Variants in ABCC4 observed in about 807,000 individuals in gnomAD.
The protein encoded by ABCC4 is ATP-binding cassette sub-family C member 4.
ABCC4 carries 102 observed loss-of-function variants against 168.5 expected under a neutral mutation model. The ratio of observed to expected loss-of-function variants is 0.61; its 90% confidence interval spans 0.52 to 0.71. ABCC4 has a LOEUF of 0.71. Ranked by LOEUF, ABCC4 falls within the 30% of genes least tolerant of loss-of-function variation. The pLI is 0.00. For missense variants in ABCC4, 1,402 were observed against 1,605.8 expected (o/e 0.87, Z 2.17); for synonymous variants, 617 against 590.7 (o/e 1.04, Z -0.65).
chr13:95,186,819 G>A lies in ABCC4; in HGVS notation c.1427C>T (p.Ala476Val), dbSNP rs1169391624. The stretch of plus-strand genomic sequence containing the variant: ...CACCCAGGGCTGCTGAGACACATAG[G>A]CAATTCTTCCATGCACGCTGACCAG... Reference protein sequence around the residue: ...HGLVSVHGRIAYVSQQPWVFS... With the variant: ...HGLVSVHGRIVYVSQQPWVFS... The change falls in exon 11 of 31, where the codon GCC becomes GTC. Residue 476 changes from alanine to valine, a missense_variant. Coordinates refer to ENST00000645237, the MANE Select transcript of ABCC4 (RefSeq NM_005845.5). The A allele has an allele frequency of 6.2e-7, 1 of 1,614,040 alleles. No homozygotes were observed. The highest frequency in any genetic ancestry group is 1.7e-5 in the Admixed American group (1 of 60,000).
At chr13:95,074,186 A>G (rs2033820375) in intron 23 of ABCC4, 28 bp downstream of exon 23, 7 of 1,514,596 alleles carry the variant, frequency 4.6e-6, no homozygotes, top group Non-Finnish European at 6.4e-6. Flanking sequence ...TAATCATACC[A>G]TACATAGTTA....
At chr13:95,064,762 G>C (rs1002912487) in intron 25 of ABCC4, among the ~76,000 whole-genome samples, 18 of 152,012 alleles carry the variant, frequency 1.2e-4, no homozygotes, top group African/African-American at 4.3e-4. Flanking sequence ...TCCAAACTCA[G>C]GTGAGGATAT....
chr13:95,178,684 A>C (rs1003547136), intron 11 of ABCC4, among the ~76,000 whole-genome samples: 3 of 152,228 alleles, frequency 2.0e-5, no homozygotes, highest in Admixed American at 2.0e-4. Context: ...ATATGGATGC[A>C]CACGGAACTG....
rs376152745 is a variant in ABCC4 at position 95,188,324 on chromosome 13, T to C, written c.1353+129A>G. 4.8e-4 allele frequency: 386 copies of C among 810,350 alleles called. 1 individual carries two copies. Among genetic ancestry groups the C allele is most frequent in the Middle Eastern group, 6.9e-4 (3 of 4,354 alleles). 50.2% of individuals were successfully genotyped at this position (810,350 alleles called of 1,614,324 possible). The stretch of plus-strand genomic sequence containing the variant: ...CCCTTCTTGCAAAACGAATGTTCCA[T>C]GCACTGAGAAATGCCGTGCCAAGTG... On this transcript the variant is annotated intron_variant, in intron 10 of 30. Transcript: ENST00000645237.
chr13:95,073,390 T>C, intron 23 of ABCC4, 86 bp from the exon 24 acceptor site: 1 of 873,708 alleles, frequency 1.1e-6, no homozygotes, highest in South Asian at 1.9e-5. Flanking sequence ...GAGGAACCCT[T>C]CATAATGTTG....
At chr13:95,096,713 A>C (rs549256272) in intron 20 of ABCC4, among the ~76,000 whole-genome samples, 1 of 152,276 alleles carries the variant, frequency 6.6e-6, no homozygotes, top group South Asian at 2.1e-4. Context: ...CTATCTGTTG[A>C]AAAGATCATT....
intron 28 of ABCC4, 47 bp downstream of exon 28, chr13:95,044,219 C>A: frequency 6.7e-7 from 1 of 1,499,266 alleles, no homozygotes; most frequent in Admixed American, 2.2e-5. Flanking sequence ...TTCCCATTTA[C>A]ACACTTAAAA....
rs567192252 is a variant in ABCC4, at chr13:95,121,431, G to GTT, written c.2456-5432_2456-5431dup. 2.9e-3 allele frequency among the ~76,000 whole-genome samples: 403 copies of GTT among 138,492 alleles called. 2 individuals carry two copies. Among genetic ancestry groups the GTT allele is most frequent in the African/African-American group, 7.3e-3 (278 of 37,862 alleles). The allele number at this position is 138,492 out of a possible 152,430, so 90.9% of individuals were successfully genotyped here. On this transcript the variant is annotated intron_variant, in intron 19 of 30. Coordinates refer to ENST00000645237, the MANE Select transcript of ABCC4 (RefSeq NM_005845.5). Reference sequence around the variant, plus strand: ...TTCAAACTTTATGGGGTTTTTTTTTGTTTTTTTTTTTTTGAGAAAAGGTCT... The same window carrying GTT: ...TTCAAACTTTATGGGGTTTTTTTTTGTTTTTTTTTTTTTTTGAGAAAAGGTCT...
chr13:95,063,058 T>C (rs2033363661), intron 25 of ABCC4, among the ~76,000 whole-genome samples, 199 bp from the exon 26 acceptor site: 1 of 152,166 alleles, frequency 6.6e-6, no homozygotes, highest in African/African-American at 2.4e-5. Context: ...GCCCCAGGCA[T>C]TGTGGGAGGT....
At position 95,209,717 on chromosome 13, in the gene ABCC4, T is replaced by C. The variant is rs1045293258; in HGVS notation, c.622-120A>G. The C allele has an allele frequency of 5.1e-5, 51 of 996,114 alleles. No homozygotes were observed. The African/African-American group carries it at 5.7e-4, about 11-fold the overall frequency. The allele number at this position is 996,114 out of a possible 1,614,324, so 61.7% of individuals were successfully genotyped here. On this transcript the variant is annotated intron_variant, in intron 5 of 30. Transcript: ENST00000645237. ...AGATCCTAAACAGAAATGGCCACAG[T>C]GGGTTTACACCTGCTAAAGCAGAAA... is the stretch of plus-strand genomic sequence containing the variant.
chr13:95,204,648 A>C (rs992451101), intron 8 of ABCC4, among the ~76,000 whole-genome samples: 8 of 152,130 alleles, frequency 5.3e-5, no homozygotes, highest in African/African-American at 1.9e-4. Context: ...TCCAATATAA[A>C]TTGCCCAGTC....
At chr13:95,195,007 T>C in intron 8 of ABCC4, 70 bp from the exon 9 acceptor site, 2 of 1,307,344 alleles carry the variant, frequency 1.5e-6, no homozygotes, top group Non-Finnish European at 2.2e-6. Context: ...AGTCACTGCT[T>C]CCATGGAATT....
intron 3 of ABCC4, among the ~76,000 whole-genome samples, chr13:95,235,180 G>T (rs947790165): frequency 3.9e-5 from 6 of 151,918 alleles, no homozygotes; most frequent in Non-Finnish European, 2.9e-5. Context: ...TGTGAGCCAC[G>T]GCACCTAGGC....
intron 20 of ABCC4, among the ~76,000 whole-genome samples, chr13:95,111,115 T>C (rs1222896567): frequency 2.6e-5 from 4 of 152,238 alleles, no homozygotes; most frequent in African/African-American, 9.6e-5. Flanking sequence ...GCCAAATTCC[T>C]ATTCAAAGAA....
At position 95,029,988 on chromosome 13, in the gene ABCC4, T is replaced by TCC. The variant is rs1555302416; in HGVS notation, c.3870+4616_3870+4617insGG. On this transcript the variant is annotated intron_variant, in intron 30 of 30. Coordinates refer to ENST00000645237, the MANE Select transcript of ABCC4 (RefSeq NM_005845.5). ...AGGATGTCAGGACTTCTTGTCTATC[T>TCC]ATCCATCCATCCATCCATCCATCCA... 2.9e-3 allele frequency among the ~76,000 whole-genome samples: 426 copies of TCC among 146,438 alleles called. 3 individuals are homozygous for TCC. The highest frequency in any genetic ancestry group is 9.4e-3 in the African/African-American group (369 of 39,360).
chr13:95,286,882 C>A (rs6492776), intron 1 of ABCC4, among the ~76,000 whole-genome samples: 111,059 of 149,780 alleles, frequency 0.74, 41,758 homozygotes, highest in Middle Eastern at 0.87. Context: ...GCTTGAACCC[C>A]GAGGCAGAGG....
At chr13:95,271,983 A>G (rs1417830988) in intron 1 of ABCC4, among the ~76,000 whole-genome samples, 1 of 152,222 alleles carries the variant, frequency 6.6e-6, no homozygotes, top group African/African-American at 2.4e-5. Flanking sequence ...GTGCAGGCTG[A>G]TTAATCTCTA....
chr13:95,084,694 G>C (rs2034200622), intron 20 of ABCC4, among the ~76,000 whole-genome samples: 1 of 152,050 alleles, frequency 6.6e-6, no homozygotes, highest in South Asian at 2.1e-4. Flanking sequence ...GATTAGGAGA[G>C]TATTTCAAAC....
intron 19 of ABCC4, among the ~76,000 whole-genome samples, chr13:95,155,171 C>T (rs1274911284): frequency 6.6e-6 from 1 of 152,056 alleles, no homozygotes; most frequent in East Asian, 1.9e-4. Flanking sequence ...GTAGGATGCA[C>T]ATCCTAACTT....
Sources: gnomAD v4.1 joint callset for allele counts (sites outside exome capture counted in the v4.1 genomes callset) on GRCh38, gnomAD v4.1.1 for gene constraint, MANE v1.5 for transcripts, NCBI Gene and HGNC (gene_info 2026-07-23, HGNC 2026-07-21) for gene names.